The following ARHGEF3 variants were observed in gnomAD, a reference collection of about 807,000 sequenced individuals.
ARHGEF3 encodes Rho guanine nucleotide exchange factor 3.
Under a neutral mutation model 63.2 loss-of-function variants are expected in ARHGEF3, and 28 were observed. The observed-to-expected ratio is 0.44, with a 90% CI of 0.33 to 0.61. The LOEUF (loss-of-function observed/expected upper bound fraction) is 0.61, where lower values mean the gene tolerates loss of function less well. Ranked by LOEUF, ARHGEF3 falls within the 20% of genes least tolerant of loss-of-function variation. The probability of loss-of-function intolerance (pLI) is 0.03; values close to 1 mark genes in which losing one functional copy is unlikely to be tolerated. For synonymous variants in ARHGEF3, 266 were observed against 254.2 expected (o/e 1.05, Z -0.44); for missense variants, 533 against 659.3 (o/e 0.81, Z 2.10).
intron 2 of ARHGEF3, among the ~76,000 whole-genome samples, chr3:57,017,032 TCACACACACA>T (rs1553806980): frequency 5.7e-4 from 60 of 104,392 alleles, no homozygotes; most frequent in Middle Eastern, 5.1e-3. Flanking sequence ...TCTCTCTCTC[TCACACACACA>T]CACACACACA....
intron 3 of ARHGEF3, among the ~76,000 whole-genome samples, chr3:56,958,359 C>T (rs1700134996): frequency 6.8e-6 from 1 of 146,592 alleles, no homozygotes; most frequent in African/African-American, 2.5e-5. Flanking sequence ...GACAGAGTCT[C>T]GTTCTGTTGC....
rs114176931 is a variant in ARHGEF3, at chr3:57,021,259, T to C, written c.62+13829A>G. ...GAAAAAACAAAAACAGATGTCTCCTTAGATGCCAATCTTGTTGAATTCCAA... is the reference window on the plus strand; with the variant it reads ...GAAAAAACAAAAACAGATGTCTCCTCAGATGCCAATCTTGTTGAATTCCAA... On this transcript the variant is annotated intron_variant, in intron 2 of 12. Coordinates refer to the ARHGEF3 transcript ENST00000338458. 2.4e-3 allele frequency among the ~76,000 whole-genome samples: 367 copies of C among 152,318 alleles called. 4 individuals are homozygous for C. The highest frequency in any genetic ancestry group is 8.4e-3 in the African/African-American group (351 of 41,572).
chr3:57,025,847 A>G (rs1022680571), intron 2 of ARHGEF3, among the ~76,000 whole-genome samples: 1 of 152,194 alleles, frequency 6.6e-6, no homozygotes, highest in Admixed American at 6.5e-5. Flanking sequence ...GCCTCGATAG[A>G]TACTCATCAT....
rs751178733 is a variant in ARHGEF3, at chr3:56,737,362, A to G, written c.871-7T>C. On this transcript the variant is annotated splice_polypyrimidine_tract_variant and splice_region_variant and intron_variant, in intron 7 of 9. Coordinates refer to ENST00000296315, the MANE Select transcript of ARHGEF3 (RefSeq NM_019555.3). ...TTCCCTGAATGATATTTATCTATGA[A>G]AACAAAGAGGAAAATTAAGTATGGA... is the stretch of plus-strand genomic sequence containing the variant. 1 of 1,606,310 alleles carries G rather than the reference A, an allele frequency of 6.2e-7. No individual in the cohort carries two copies. The highest frequency in any genetic ancestry group is 1.1e-5 in the South Asian group (1 of 90,794).
intron 4 of ARHGEF3, among the ~76,000 whole-genome samples, chr3:56,841,204 A>T (rs1159758713): frequency 6.6e-6 from 1 of 152,230 alleles, no homozygotes; most frequent in Non-Finnish European, 1.5e-5. Flanking sequence ...AGTGAGATGA[A>T]AAATTAACCT....
In ARHGEF3 at chr3:56,754,149, C is replaced by T. The variant is rs79742941; in HGVS notation, c.376-583G>A. 3.3e-5 allele frequency among the ~76,000 whole-genome samples: 5 copies of T among 152,286 alleles called. No homozygotes were observed. The East Asian group carries it at 7.7e-4, about 24-fold the overall frequency. ...CCACTTCTCAGCCCCACAGGTACAA[C>T]AAATAAAATTATAGGCGCTGGCTGT... On this transcript the variant is annotated intron_variant, in intron 3 of 9. Coordinates refer to ENST00000296315, the MANE Select transcript of ARHGEF3 (RefSeq NM_019555.3).
chr3:57,038,551 T>C (rs1704052697), intron 1 of ARHGEF3, among the ~76,000 whole-genome samples: 1 of 152,142 alleles, frequency 6.6e-6, no homozygotes. Context: ...CAAGTGATCC[T>C]CCTGCCTTAG....
intron 2 of ARHGEF3, among the ~76,000 whole-genome samples, chr3:56,974,286 A>AAT (rs1701037196): frequency 6.6e-6 from 1 of 152,204 alleles, no homozygotes; most frequent in Admixed American, 6.5e-5. Context: ...GACAATGAGG[A>AAT]ATATAATATA....
chr3:56,952,697 T>C (rs1323478906), intron 3 of ARHGEF3, among the ~76,000 whole-genome samples: 1 of 152,166 alleles, frequency 6.6e-6, no homozygotes, highest in Non-Finnish European at 1.5e-5. Context: ...AGGGGTTAGA[T>C]ACCTGGGATA....
At chr3:56,900,636 A>C (rs975986429) in intron 3 of ARHGEF3, among the ~76,000 whole-genome samples, 14 of 152,316 alleles carry the variant, frequency 9.2e-5, no homozygotes, top group East Asian at 5.8e-4. Flanking sequence ...TCTCAAAACA[A>C]CACCACCACC....
intron 2 of ARHGEF3, among the ~76,000 whole-genome samples, chr3:56,999,579 G>T (rs1034391680): frequency 6.6e-6 from 1 of 152,186 alleles, no homozygotes; most frequent in African/African-American, 2.4e-5. Flanking sequence ...GCCAAGGCAG[G>T]AGGATTGCTT....
intron 2 of ARHGEF3, among the ~76,000 whole-genome samples, chr3:57,023,217 G>A (rs929427623): frequency 2.0e-5 from 3 of 152,168 alleles, no homozygotes; most frequent in African/African-American, 7.2e-5. Context: ...ATGCACAGAA[G>A]GGGCTCAACA....
At chr3:56,808,631 T>C (rs1034180187) in intron 4 of ARHGEF3, among the ~76,000 whole-genome samples, 7 of 144,246 alleles carry the variant, frequency 4.9e-5, no homozygotes, top group African/African-American at 1.7e-4. Context: ...AAATTAGCTA[T>C]GAAATTAGCA....
At chr3:56,958,307 T>C (rs1389916148) in intron 3 of ARHGEF3, among the ~76,000 whole-genome samples, 1 of 149,822 alleles carries the variant, frequency 6.7e-6, no homozygotes, top group African/African-American at 2.5e-5. Context: ...AGAAGCTTAC[T>C]GGGCCACTTG....
At chr3:57,058,864 CTA>C (rs1330482916) in intron 1 of ARHGEF3, among the ~76,000 whole-genome samples, 22 of 151,868 alleles carry the variant, frequency 1.4e-4, no homozygotes, top group Admixed American at 5.2e-4. Flanking sequence ...AAGCTGGAAA[CTA>C]TCATTCTCAG....
intron 2 of ARHGEF3, among the ~76,000 whole-genome samples, chr3:57,003,951 C>G (rs1216272355): frequency 1.3e-5 from 2 of 152,206 alleles, no homozygotes; most frequent in Non-Finnish European, 2.9e-5. Context: ...GTAAAATGAT[C>G]AATGTGTGTT....
At position 56,732,377 on chromosome 3, in the gene ARHGEF3, G is replaced by C; in HGVS notation, c.1089C>G (p.Ala363=). Residue 363 remains alanine, a synonymous_variant, in exon 9 of 10, where the codon GCC becomes GCG. Coordinates refer to ENST00000296315, the MANE Select transcript of ARHGEF3 (RefSeq NM_019555.3). ...AGCAAAGCTGCTCATTGTGGGTGAC[G>C]GCTCGAGTGATCACAAGCACTTCTT... ...LFQEVLVITR[A]VTHNEQLCYQ... 3 of 1,614,114 alleles carry C rather than the reference G, an allele frequency of 1.9e-6. No individual in the cohort carries two copies. The highest frequency in any genetic ancestry group is 2.5e-6 in the Non-Finnish European group (3 of 1,180,022).
At chr3:56,984,422 T>G (rs1701454206) in intron 2 of ARHGEF3, among the ~76,000 whole-genome samples, 1 of 151,978 alleles carries the variant, frequency 6.6e-6, no homozygotes, top group Non-Finnish European at 1.5e-5. Flanking sequence ...GATGGGTAGG[T>G]GGGTGGGCGA....
chr3:56,973,263 C>T (rs558648740), intron 2 of ARHGEF3, among the ~76,000 whole-genome samples: 9 of 152,158 alleles, frequency 5.9e-5, no homozygotes, highest in South Asian at 4.1e-4. Context: ...GTGATCCGCG[C>T]GCCTCGGCCT....
Sources: allele counts gnomAD v4.1 joint callset (sites outside exome capture counted in the v4.1 genomes callset), GRCh38; gene constraint gnomAD v4.1.1; transcripts MANE v1.5; gene names NCBI Gene and HGNC (gene_info 2026-07-23, HGNC 2026-07-21).